RIMS2: variants seen among roughly 807,000 people sequenced by gnomAD.
RIMS2 encodes regulating synaptic membrane exocytosis 2.
In RIMS2, 59 loss-of-function variants were observed where a neutral mutation model predicts 174.4. That is an observed-to-expected ratio of 0.34 (90% CI 0.27 to 0.42). RIMS2 has a LOEUF of 0.42. Ranked by LOEUF, RIMS2 falls within the 10% of genes least tolerant of loss-of-function variation. The probability of loss-of-function intolerance (pLI) is 1.00; values close to 1 mark genes in which losing one functional copy is unlikely to be tolerated. For missense variants in RIMS2, 1,620 were observed against 1,666.3 expected (o/e 0.97, Z 0.48); for synonymous variants, 606 against 572.5 (o/e 1.06, Z -0.84).
chr8:104,052,795 A>C (rs546249134), intron 19 of RIMS2, among the ~76,000 whole-genome samples: 1 of 152,128 alleles, frequency 6.6e-6, no homozygotes, highest in Non-Finnish European at 1.5e-5. Context: ...TGAAGGATAG[A>C]GCCTTCAGCA....
intron 4 of RIMS2, among the ~76,000 whole-genome samples, chr8:103,903,057 A>C (rs1412467554): frequency 6.6e-6 from 1 of 152,148 alleles, no homozygotes; most frequent in Non-Finnish European, 1.5e-5. Context: ...TTCCCTACCT[A>C]ATTAGAATGA....
chr8:104,066,842 A>C (rs1011857354), intron 19 of RIMS2, among the ~76,000 whole-genome samples: 1 of 152,126 alleles, frequency 6.6e-6, no homozygotes, highest in Non-Finnish European at 1.5e-5. Context: ...ATTTAGAGGT[A>C]ATATAGTATA....
intron 19 of RIMS2, among the ~76,000 whole-genome samples, chr8:104,243,754 T>A (rs1183559457): frequency 6.6e-6 from 1 of 152,190 alleles, no homozygotes; most frequent in Admixed American, 6.5e-5. Context: ...CAAAAAGCTA[T>A]CAATATGCAC....
intron 1 of RIMS2, among the ~76,000 whole-genome samples, chr8:103,688,524 G>A (rs1363831277): frequency 2.0e-5 from 3 of 151,890 alleles, no homozygotes; most frequent in Non-Finnish European, 4.4e-5. Context: ...GCTAGTATTT[G>A]GTTTTGCATC....
chr8:103,846,844 A>G (rs541438051), intron 3 of RIMS2, among the ~76,000 whole-genome samples: 1 of 152,214 alleles, frequency 6.6e-6, no homozygotes, highest in South Asian at 2.1e-4. Context: ...TACCTGGTAG[A>G]TTGACTCAGA....
At chr8:103,923,364 TA>T (rs1325047743) in intron 10 of RIMS2, among the ~76,000 whole-genome samples, 1 of 151,786 alleles carries the variant, frequency 6.6e-6, no homozygotes, top group East Asian at 1.9e-4. Flanking sequence ...CTATAATAAG[TA>T]AGTATCACTT....
chr8:103,663,232 T>A (rs150348106), intron 1 of RIMS2, among the ~76,000 whole-genome samples: 250 of 152,184 alleles, frequency 1.6e-3, no homozygotes, highest in African/African-American at 5.6e-3. Context: ...GCCTTTTCAA[T>A]ACAGTTTTAG....
chr8:103,596,278 A>G (rs1033078255), intron 1 of RIMS2, among the ~76,000 whole-genome samples: 4 of 152,108 alleles, frequency 2.6e-5, no homozygotes, highest in African/African-American at 9.6e-5. Context: ...TTATTTAACC[A>G]TAAATAATAC....
chr8:103,718,421 G>A (rs937033324), intron 2 of RIMS2, among the ~76,000 whole-genome samples: 4 of 152,160 alleles, frequency 2.6e-5, no homozygotes, highest in African/African-American at 9.7e-5. Context: ...GGGAACAGGT[G>A]TAATTTGTCT....
chr8:103,853,996 A>G (rs567656621), intron 3 of RIMS2, among the ~76,000 whole-genome samples: 23 of 152,118 alleles, frequency 1.5e-4, no homozygotes, highest in Admixed American at 1.5e-3. Context: ...CATTTTAACA[A>G]TATTGATTCT....
intron 10 of RIMS2, among the ~76,000 whole-genome samples, chr8:103,924,552 T>G (rs775053220): frequency 1.3e-5 from 2 of 151,640 alleles, no homozygotes; most frequent in Non-Finnish European, 3.0e-5. Flanking sequence ...AATTCCTTTT[T>G]CATTCTTTTC....
rs552162613 is a variant in RIMS2, at chr8:104,175,959, A to G, written c.3335-68957A>G. On this transcript the variant is annotated intron_variant, in intron 19 of 23. Coordinates refer to ENST00000504942, the Ensembl canonical transcript of RIMS2. Reference sequence around the variant, plus strand: ...AATTCTCTTCATGTTAGGACATGCTATATAGTAGGATGTGGCTATGTCCGA... The same window carrying G: ...AATTCTCTTCATGTTAGGACATGCTGTATAGTAGGATGTGGCTATGTCCGA... Among the ~76,000 whole-genome samples, 15 of 152,178 alleles carry G rather than the reference A, an allele frequency of 9.9e-5. No homozygotes were observed. The South Asian group carries it at 2.9e-3, about 29-fold the overall frequency.
chr8:103,696,276 G>GT (rs1468280602), intron 1 of RIMS2, among the ~76,000 whole-genome samples: 1 of 151,948 alleles, frequency 6.6e-6, no homozygotes, highest in Non-Finnish European at 1.5e-5. Context: ...TAGCATGTAA[G>GT]TTTTCTTCCA....
At chr8:104,021,319 T>C (rs1478708895) in intron 19 of RIMS2, among the ~76,000 whole-genome samples, 1 of 152,188 alleles carries the variant, frequency 6.6e-6, no homozygotes, top group Non-Finnish European at 1.5e-5. Flanking sequence ...CATGTAAATA[T>C]GAATAGTATT....
chr8:103,928,011 T>A, intron 11 of RIMS2: 1 of 695,906 alleles, frequency 1.4e-6, no homozygotes, highest in Non-Finnish European at 2.4e-6. Context: ...ATTATTGACT[T>A]TCAAATCATT....
intron 3 of RIMS2, among the ~76,000 whole-genome samples, chr8:103,828,056 A>T (rs80155826): frequency 0.16 from 23,911 of 152,056 alleles, 1,990 homozygotes; most frequent in Middle Eastern, 0.24. Context: ...ATACCACCTC[A>T]TGGGATACTT....
Position 103,962,216 on chromosome 8 carries a change from T to A in RIMS2, c.2770+1083T>A, listed in dbSNP as rs73295511. 4.4e-3 allele frequency among the ~76,000 whole-genome samples: 667 copies of A among 152,298 alleles called. 7 individuals carry two copies. Among genetic ancestry groups the A allele is most frequent in the African/African-American group, 0.015 (634 of 41,576 alleles). On this transcript the variant is annotated intron_variant, in intron 15 of 23. Transcript: ENST00000504942. Reference sequence around the variant, plus strand: ...GATGTTTCTGTCCTTTCATTTTCTGTTTTCAAGATGACAGAAATATTTCTT... The same window carrying A: ...GATGTTTCTGTCCTTTCATTTTCTGATTTCAAGATGACAGAAATATTTCTT...
chr8:103,538,311 T>G lies in RIMS2; in HGVS notation c.176+37249T>G, dbSNP rs145992368. Among the ~76,000 whole-genome samples the G allele has an allele frequency of 6.2e-3, 938 of 152,292 alleles. 12 individuals are homozygous for G. Among genetic ancestry groups the G allele is most frequent in the African/African-American group, 0.021 (888 of 41,568 alleles). ...TGCAATTATAACAGATTTCCTTATA[T>G]TCACCTTTTATTCTTTTTTAAAAAT... is the stretch of plus-strand genomic sequence containing the variant. On this transcript the variant is annotated intron_variant, in intron 1 of 23. Coordinates refer to ENST00000504942, the Ensembl canonical transcript of RIMS2.
At chr8:103,786,904 C>CGAA (rs1385681108) in intron 3 of RIMS2, among the ~76,000 whole-genome samples, 1 of 151,798 alleles carries the variant, frequency 6.6e-6, no homozygotes, top group African/African-American at 2.4e-5. Context: ...GTGTGGGAGT[C>CGAA]TAAGTCTCTT....
Sources: gnomAD v4.1 joint callset for allele counts (sites outside exome capture counted in the v4.1 genomes callset) on GRCh38, gnomAD v4.1.1 for gene constraint, MANE v1.5 for transcripts, NCBI Gene and HGNC (gene_info 2026-07-23, HGNC 2026-07-21) for gene names.